The following L3HYPDH variants were observed in gnomAD, a reference collection of about 807,000 sequenced individuals.
L3HYPDH encodes trans-3-hydroxy-L-proline dehydratase.
L3HYPDH carries 32 observed loss-of-function variants against 26.5 expected under a neutral mutation model. That is an observed-to-expected ratio of 1.21 (90% CI 0.91 to 1.62). The LOEUF (loss-of-function observed/expected upper bound fraction) is 1.62, where lower values mean the gene tolerates loss of function less well. L3HYPDH is among the 40% of genes most tolerant of loss of function. L3HYPDH has a pLI of 0.00. For synonymous variants in L3HYPDH, 215 were observed against 196.6 expected (o/e 1.09, Z -0.78); for missense variants, 554 against 476.4 (o/e 1.16, Z -1.52).
chr14:59,496,551 C>G, the L3HYPDH span, among the ~76,000 whole-genome samples: 1 of 152,078 alleles, frequency 6.6e-6, no homozygotes, highest in Admixed American at 6.6e-5. Context: ...GTAGGAGGGT[C>G]AGAAAATATA....
the L3HYPDH span, chr14:59,495,025 G>A: frequency 1.1e-5 from 17 of 1,612,482 alleles, no homozygotes; most frequent in Middle Eastern, 1.7e-4. Flanking sequence ...TAGTTCCAGC[G>A]CACTTTTCCA....
At chr14:59,469,918 T>C (rs1889271999), downstream of L3HYPDH, among the ~76,000 whole-genome samples, 1 of 152,040 alleles carries the variant, frequency 6.6e-6, no homozygotes, top group South Asian at 2.1e-4. Context: ...GACAGAGTAG[T>C]CAGGGAAGAA....
At position 59,472,860 on chromosome 14, in the gene L3HYPDH, G is replaced by A. The variant is rs546473375; in HGVS notation, c.*105C>T. The A allele has an allele frequency of 2.6e-5, 26 of 1,011,722 alleles. No individual in the cohort carries two copies. In the East Asian group the frequency reaches 7.0e-4, roughly 27 times the overall value. The allele number at this position is 1,011,722 out of a possible 1,614,324, so 62.7% of individuals were successfully genotyped here. A position where few individuals can be genotyped will look rare whatever the true frequency, so the allele number is the denominator to read the frequency against. On this transcript the variant is annotated 3_prime_UTR_variant, in exon 5 of 5. Transcript: ENST00000247194. ...GGGTAGTATTTTACAAAGAATGAGA[G>A]TTAGTTTATATGTATAATTTATTTG...
At chr14:59,475,740 G>A in intron 4 of L3HYPDH, 129 bp downstream of exon 4, 1 of 1,048,502 alleles carries the variant, frequency 9.5e-7, no homozygotes, top group Non-Finnish European at 1.4e-6. Context: ...TTGAAAAGAA[G>A]TTTTTACAGG....
At position 59,473,053 on chromosome 14, in the gene L3HYPDH, TC is replaced by T. The variant is rs1889373264; in HGVS notation, c.976del (p.Glu326LysfsTer15). ...KCGDFKAVIV[E>X]VSGQAHYTGT... is the part of the protein sequence containing the mutation. Reference sequence around the variant, plus strand: ...CGTGTAATGGGCTTGTCCTGATACTTCCACTATAACAGCTTTAAAATCACCA... The same window carrying T: ...CGTGTAATGGGCTTGTCCTGATACTTCACTATAACAGCTTTAAAATCACCA... On this transcript the variant is annotated frameshift_variant, in exon 5 of 5. Coordinates refer to ENST00000247194, the MANE Select transcript of L3HYPDH (RefSeq NM_144581.2). LOFTEE classifies it high-confidence loss of function. 1 of 1,606,150 alleles carries T rather than the reference TC, an allele frequency of 6.2e-7. No individual in the cohort carries two copies. The highest frequency in any genetic ancestry group is 8.5e-7 in the Non-Finnish European group (1 of 1,177,172).
At chr14:59,476,750 G>T (rs1253097) in intron 2 of L3HYPDH, among the ~76,000 whole-genome samples, 73,865 of 152,014 alleles carry the variant, frequency 0.49, 19,784 homozygotes, top group African/African-American at 0.72. Flanking sequence ...AACAATTGGA[G>T]GAAAAAAAGA....
chr14:59,474,364 G>T, intron 4 of L3HYPDH: 1 of 587,544 alleles, frequency 1.7e-6, no homozygotes, highest in Admixed American at 3.1e-5. Flanking sequence ...AGGCAGGATG[G>T]GTCTCCACAG....
At position 59,483,963 on chromosome 14, in the gene L3HYPDH, G is replaced by T. The variant is rs944680423; in HGVS notation, c.354C>A (p.Phe118Leu). Residue 118 changes from phenylalanine to leucine, a missense_variant, in exon 1 of 5, where the codon TTC becomes TTA. Coordinates refer to ENST00000247194, the MANE Select transcript of L3HYPDH (RefSeq NM_144581.2). The part of the protein sequence containing the change: ...VLALGRFALD[F>L]GLVPAPPAGT... ...CCGCAGGGGGCGCCGGCACAAGCCC[G>T]AAGTCCAAAGCGAAGCGGCCCAGCG... 3.2e-6 allele frequency: 5 copies of T among 1,568,028 alleles called. No homozygotes were observed. Among genetic ancestry groups the T allele is most frequent in the Non-Finnish European group, 3.4e-6 (4 of 1,162,586 alleles).
At chr14:59,504,511 T>C in the L3HYPDH span, 1 of 156,870 alleles carries the variant, frequency 6.4e-6, no homozygotes, top group African/African-American at 2.4e-5. Context: ...AACATACTTG[T>C]GGGGTCTGAT....
chr14:59,501,233 C>T, the L3HYPDH span: 1 of 1,605,254 alleles, frequency 6.2e-7, no homozygotes, highest in Non-Finnish European at 8.5e-7. Flanking sequence ...TCTTTGGTTA[C>T]TCTGGCTGTG....
intron 4 of L3HYPDH, among the ~76,000 whole-genome samples, chr14:59,473,406 C>T (rs1889405673): frequency 6.6e-6 from 1 of 152,108 alleles, no homozygotes; most frequent in African/African-American, 2.4e-5. Flanking sequence ...GGAATATATA[C>T]TAACATAGAG....
intron 2 of L3HYPDH, among the ~76,000 whole-genome samples, chr14:59,478,531 G>C (rs1698020099): frequency 6.6e-6 from 1 of 152,146 alleles, no homozygotes; most frequent in Non-Finnish European, 1.5e-5. Context: ...GTTACAGTAA[G>C]CTATGATCAC....
chr14:59,502,755 T>TGTTTTTTTTTCTTTGTTTTG, the L3HYPDH span, among the ~76,000 whole-genome samples: 1 of 122,918 alleles, frequency 8.1e-6, no homozygotes, highest in Admixed American at 8.8e-5. Context: ...ATGAGATTTT[T>TGTTTTTTTTTCTTTGTTTTG]TTTTTTTTTT....
chr14:59,489,686 G>A, the L3HYPDH span, among the ~76,000 whole-genome samples: 1 of 152,174 alleles, frequency 6.6e-6, no homozygotes, highest in Admixed American at 6.5e-5. Flanking sequence ...GAATACCTGA[G>A]ACTGGGTAAT....
chr14:59,500,618 TA>T, the L3HYPDH span, among the ~76,000 whole-genome samples: 1 of 152,220 alleles, frequency 6.6e-6, no homozygotes, highest in Non-Finnish European at 1.5e-5. Context: ...GTTACTCTTA[TA>T]GATAACCTTT....
chr14:59,483,216 A>G (rs1890175045), intron 1 of L3HYPDH, among the ~76,000 whole-genome samples: 1 of 152,272 alleles, frequency 6.6e-6, no homozygotes, highest in Non-Finnish European at 1.5e-5. Flanking sequence ...TAATTTGCCT[A>G]AGGTTGCACA....
the L3HYPDH span, chr14:59,495,339 C>CA: frequency 1.4e-6 from 1 of 711,870 alleles, no homozygotes; most frequent in Admixed American, 2.7e-5. Context: ...CTGGGTCTGC[C>CA]AGCGGCTTTA....
the L3HYPDH span, chr14:59,495,061 A>C: frequency 6.2e-7 from 1 of 1,613,972 alleles, no homozygotes; most frequent in East Asian, 2.2e-5. Flanking sequence ...ATTTGAATGC[A>C]GCATGGCAGC....
At position 59,484,384 on chromosome 14, in the gene L3HYPDH, C is replaced by T. The variant is rs1890331706; in HGVS notation, c.-68G>A. On this transcript the variant is annotated 5_prime_UTR_variant, in exon 1 of 5. Transcript: ENST00000247194. The stretch of plus-strand genomic sequence containing the variant: ...TTCAAGCCCGACCCTCACCCACTGA[C>T]TCCGCGGGAGGAGGGCGGGACGCTA... The T allele has an allele frequency of 6.7e-7, 1 of 1,489,804 alleles. No individual in the cohort carries two copies. 92.3% of individuals were successfully genotyped at this position (1,489,804 alleles called of 1,614,324 possible).
Sources: allele counts gnomAD v4.1 joint callset (sites outside exome capture counted in the v4.1 genomes callset), GRCh38; gene constraint gnomAD v4.1.1; transcripts MANE v1.5; gene names NCBI Gene and HGNC (gene_info 2026-07-23, HGNC 2026-07-21).